Variants in NUP210L observed in about 807,000 individuals in gnomAD.
NUP210L encodes the protein nucleoporin 210 like.
NUP210L carries 74 observed loss-of-function variants against 208.5 expected under a neutral mutation model. The observed-to-expected ratio is 0.35, with a 90% CI of 0.29 to 0.43. The LOEUF (loss-of-function observed/expected upper bound fraction) is 0.43. NUP210L is among the 20% of genes least tolerant of loss of function. The pLI is 1.00. For synonymous variants in NUP210L, 780 were observed against 816.9 expected (o/e 0.95, Z 0.77); for missense variants, 1,843 against 2,289.4 (o/e 0.81, Z 3.98).
chr1:153,995,258 T>C (rs538110247), intron 37 of NUP210L, 78 bp from the exon 38 acceptor site: 3 of 1,080,132 alleles, frequency 2.8e-6, no homozygotes, highest in Non-Finnish European at 4.2e-6. Context: ...AAATTTAATT[T>C]TTTTTGAGAC....
At chr1:153,996,014 C>T (rs1437194075) in intron 37 of NUP210L, 2 of 376,328 alleles carry the variant, frequency 5.3e-6, no homozygotes, top group Non-Finnish European at 1.0e-5. Flanking sequence ...AAAATGCGGC[C>T]TGGCGTGGTG....
At chr1:154,108,308 C>A (rs1344633146) in intron 12 of NUP210L, among the ~76,000 whole-genome samples, 1 of 152,090 alleles carries the variant, frequency 6.6e-6, no homozygotes, top group Non-Finnish European at 1.5e-5. Context: ...CAGGCATGCA[C>A]CACCACAACC....
At chr1:154,113,772 C>G (rs990783696) in intron 12 of NUP210L, among the ~76,000 whole-genome samples, 2 of 141,614 alleles carry the variant, frequency 1.4e-5, no homozygotes, top group Non-Finnish European at 3.0e-5. Flanking sequence ...GCAGGAGAAT[C>G]GCTTGAACCT....
intron 37 of NUP210L, chr1:153,995,918 T>C (rs746674088): frequency 1.3e-5 from 7 of 529,798 alleles, no homozygotes; most frequent in Non-Finnish European, 2.6e-5. Flanking sequence ...AGCAGAAAAT[T>C]GTTGTGAAAG....
chr1:154,098,205 C>T (rs1196035054), intron 14 of NUP210L, among the ~76,000 whole-genome samples: 1 of 152,208 alleles, frequency 6.6e-6, no homozygotes, highest in Non-Finnish European at 1.5e-5. Context: ...CTGGGGAACA[C>T]AGTGGTGCCT....
At chr1:154,013,035 G>A (rs1374866220) in intron 33 of NUP210L, among the ~76,000 whole-genome samples, 2 of 149,108 alleles carry the variant, frequency 1.3e-5, no homozygotes, top group Non-Finnish European at 3.0e-5. Flanking sequence ...CAAAGACGGG[G>A]TCTTGGCCAG....
intron 35 of NUP210L, among the ~76,000 whole-genome samples, chr1:154,009,484 G>A (rs1469605679): frequency 6.6e-6 from 1 of 151,824 alleles, no homozygotes; most frequent in Non-Finnish European, 1.5e-5. Context: ...GGAGGCATGT[G>A]TTAAAACTTA....
At chr1:154,153,413 G>GA (rs1416073714) in intron 1 of NUP210L, among the ~76,000 whole-genome samples, 4 of 152,144 alleles carry the variant, frequency 2.6e-5, no homozygotes, top group Non-Finnish European at 5.9e-5. Context: ...GGGTTCAAGC[G>GA]ATTCTCCTGC....
rs565848013 is a variant in NUP210L at position 154,092,099 on chromosome 1, G to A, written c.2188-2505C>T. Among the ~76,000 whole-genome samples, 131 of 140,048 alleles carry A rather than the reference G, an allele frequency of 9.4e-4. 2 individuals carry two copies. Among genetic ancestry groups the A allele is most frequent in the African/African-American group, 3.3e-3 (124 of 37,710 alleles). The allele number at this position is 140,048 out of a possible 152,430, so 91.9% of individuals were successfully genotyped here. On this transcript the variant is annotated intron_variant, in intron 15 of 39. Transcript: ENST00000368559. ...TTTTTTTTTTTTTTTTTTTTGAGAC[G>A]GAGTCTCGCTCTGTCGCCCAGGCTG...
At chr1:154,021,706 TGGA>T (rs1557919602) in intron 32 of NUP210L, among the ~76,000 whole-genome samples, 1 of 152,106 alleles carries the variant, frequency 6.6e-6, no homozygotes. Context: ...AAGCTGGGAA[TGGA>T]GGAGAAGACA....
intron 11 of NUP210L, 22 bp downstream of exon 11, chr1:154,118,649 G>T: frequency 7.1e-7 from 1 of 1,408,126 alleles, no homozygotes; most frequent in South Asian, 1.9e-5. Flanking sequence ...ATCTCCTTGT[G>T]AAGCCTTATA....
intron 27 of NUP210L, among the ~76,000 whole-genome samples, chr1:154,041,131 AT>A (rs1456115238): frequency 1.3e-5 from 2 of 151,638 alleles, no homozygotes. Context: ...CACCTACCTA[AT>A]TTTAAAACTT....
chr1:154,087,775 T>TA (rs546361894), intron 16 of NUP210L, among the ~76,000 whole-genome samples: 112 of 152,288 alleles, frequency 7.4e-4, no homozygotes, highest in African/African-American at 2.1e-3. Context: ...GCACTACTGA[T>TA]ACAGGCTACC....
At chr1:154,147,935 G>A (rs1659199197) in intron 2 of NUP210L, among the ~76,000 whole-genome samples, 2 of 140,592 alleles carry the variant, frequency 1.4e-5, no homozygotes, top group Admixed American at 6.9e-5. Flanking sequence ...GATTACAGAG[G>A]TGAGCCACCG....
At chr1:154,144,911 C>T (rs1358337854) in intron 2 of NUP210L, among the ~76,000 whole-genome samples, 3 of 152,100 alleles carry the variant, frequency 2.0e-5, no homozygotes, top group African/African-American at 7.2e-5. Context: ...GAGTTTGAGA[C>T]TAGCCTGGCC....
chr1:154,128,020 C>T lies in NUP210L; in HGVS notation c.1079-603G>A, dbSNP rs771408110. 1.8e-4 allele frequency among the ~76,000 whole-genome samples: 27 copies of T among 152,064 alleles called. 1 individual carries two copies. Among genetic ancestry groups the T allele is most frequent in the Admixed American group, 1.2e-3 (19 of 15,240 alleles). On this transcript the variant is annotated intron_variant, in intron 8 of 39. Coordinates refer to ENST00000368559, the Ensembl canonical transcript of NUP210L. ...CTGGGACTACAGGCTTAGAACACTG[C>T]GCCTGGCTAATTCTTCCATTTATAG...
chr1:154,123,695 T>C (rs1401621730), intron 10 of NUP210L, among the ~76,000 whole-genome samples: 2 of 151,554 alleles, frequency 1.3e-5, no homozygotes, highest in Non-Finnish European at 2.9e-5. Flanking sequence ...CTGGCCAACA[T>C]AGTAAAACCT....
At chr1:154,118,735 A>G (rs761077218) in exon 11 of NUP210L, 1 of 1,602,680 alleles carries the variant, frequency 6.2e-7, no homozygotes, top group Non-Finnish European at 8.5e-7. Context: ...TTTGGGTGTA[A>G]GCATGATGGG....
chr1:153,994,509 A>G (rs1242374923), intron 38 of NUP210L, among the ~76,000 whole-genome samples: 2 of 149,970 alleles, frequency 1.3e-5, no homozygotes, highest in African/African-American at 4.9e-5. Flanking sequence ...ATGGAGTTTC[A>G]CCATGTTGGC....
Sources: allele counts gnomAD v4.1 joint callset (sites outside exome capture counted in the v4.1 genomes callset), GRCh38; gene constraint gnomAD v4.1.1; transcripts MANE v1.5; gene names NCBI Gene and HGNC (gene_info 2026-07-23, HGNC 2026-07-21).